The following CENPQ variants were observed in gnomAD, a reference collection of about 807,000 sequenced individuals.
CENPQ encodes the protein centromere protein Q.
In CENPQ, 27 loss-of-function variants were observed where a neutral mutation model predicts 36.6. The observed-to-expected ratio is 0.74, with a 90% confidence interval of 0.54 to 1.02. The LOEUF is 1.02. Ranked by LOEUF, CENPQ falls within the 50% of genes least tolerant of loss-of-function variation. The probability of loss-of-function intolerance (pLI) is 0.00; values close to 1 mark genes in which losing one functional copy is unlikely to be tolerated. For synonymous variants in CENPQ, 101 were observed against 101.7 expected, an observed-to-expected ratio of 0.99 and a Z score of 0.04; for missense variants, 306 against 301.8, an observed-to-expected ratio of 1.01 and a Z score of -0.10.
intron 5 of CENPQ, among the ~76,000 whole-genome samples, chr6:49,473,817 G>T (rs964831569): frequency 1.3e-5 from 2 of 152,116 alleles, no homozygotes; most frequent in Non-Finnish European, 2.9e-5. Flanking sequence ...TACAGGGATG[G>T]AGAAAGATCT....
chr6:49,472,618 G>T (rs1452995141), intron 4 of CENPQ, among the ~76,000 whole-genome samples, 172 bp from the exon 5 acceptor site: 2 of 151,904 alleles, frequency 1.3e-5, no homozygotes, highest in Non-Finnish European at 2.9e-5. Context: ...TATATAAGAA[G>T]AATTTTTTCA....
rs1026088831 is a variant in CENPQ at position 49,488,620 on chromosome 6, A to G, written c.611A>G (p.Asn204Ser). 5 of 1,613,358 alleles carry G rather than the reference A, an allele frequency of 3.1e-6. No homozygotes were observed. The African/African-American group carries it at 4.0e-5, about 13-fold the overall frequency. The change falls in exon 8 of 9, where the codon AAT becomes AGT. Residue 204 changes from asparagine (N) to serine (S), a missense_variant. Transcript: ENST00000335783. ...CTTCTACTTTAGATGCATCAAATAA[A>G]TAGTAGTGGAGTACTCTCTCTTCCG... ...EERVKQMHQINSSGVLSLPEL... is the reference protein window; with the variant it reads ...EERVKQMHQISSSGVLSLPEL...
intron 6 of CENPQ, among the ~76,000 whole-genome samples, chr6:49,483,082 G>A (rs543610827): frequency 6.6e-6 from 1 of 152,264 alleles, no homozygotes; most frequent in East Asian, 1.9e-4. Flanking sequence ...CCTGCTGATT[G>A]GTAGAGCCGA....
rs965596354 is a variant in CENPQ, at chr6:49,468,552, G to A, written c.-18-1607G>A. Among the ~76,000 whole-genome samples the A allele has an allele frequency of 6.6e-5, 10 of 151,916 alleles. No homozygotes were observed. In the South Asian group the frequency reaches 1.0e-3, roughly 16 times the overall value. ...GAGGTTGCAGCAGTGAGCCGAGATC[G>A]CACCACTGCACTCCAGCCCAAGCGA... On this transcript the variant is annotated intron_variant, in intron 1 of 8. Transcript: ENST00000335783.
chr6:49,479,741 G>T (rs1322207574), intron 5 of CENPQ, among the ~76,000 whole-genome samples: 1 of 152,188 alleles, frequency 6.6e-6, no homozygotes, highest in Non-Finnish European at 1.5e-5. Context: ...ATCAGTGGTA[G>T]ATTAGATAAA....
chr6:49,465,726 A>C (rs565204762), intron 1 of CENPQ, among the ~76,000 whole-genome samples: 3 of 152,294 alleles, frequency 2.0e-5, no homozygotes, highest in Non-Finnish European at 4.4e-5. Flanking sequence ...GCTTTCATAG[A>C]ATTGAAGTGA....
intron 5 of CENPQ, among the ~76,000 whole-genome samples, chr6:49,476,732 AAAC>A (rs1343971965): frequency 6.6e-6 from 1 of 152,188 alleles, no homozygotes; most frequent in Non-Finnish European, 1.5e-5. Flanking sequence ...TACAAGAAAA[AAAC>A]AACCCTATCA....
At chr6:49,482,044 C>T (rs1404664786) in intron 6 of CENPQ, among the ~76,000 whole-genome samples, 3 of 152,172 alleles carry the variant, frequency 2.0e-5, no homozygotes, top group East Asian at 1.9e-4. Context: ...ACCCAGTACA[C>T]CCCCCGCAGC....
chr6:49,492,431 AG>A lies in CENPQ; in HGVS notation c.*157del. 1 of 650,776 alleles carries A rather than the reference AG, an allele frequency of 1.5e-6. No homozygotes were observed. The highest frequency in any genetic ancestry group is 2.4e-6 in the Non-Finnish European group (1 of 411,066). The allele number at this position is 650,776 out of a possible 1,614,324, so 40.3% of individuals were successfully genotyped here. A position where few individuals can be genotyped will look rare whatever the true frequency, so the allele number is the denominator to read the frequency against. Reference sequence around the variant, plus strand: ...AATTAGTCTTTGTAGTTCTATCATTAGCATCTAATGTAGTTCTGAAGACTGT... The same window carrying A: ...AATTAGTCTTTGTAGTTCTATCATTACATCTAATGTAGTTCTGAAGACTGT... On this transcript the variant is annotated 3_prime_UTR_variant, in exon 9 of 9. Coordinates refer to ENST00000335783, the MANE Select transcript of CENPQ (RefSeq NM_018132.4).
At chr6:49,482,725 G>A (rs964109186) in intron 6 of CENPQ, among the ~76,000 whole-genome samples, 4 of 152,156 alleles carry the variant, frequency 2.6e-5, no homozygotes, top group African/African-American at 9.7e-5. Context: ...AGGTCCCTTT[G>A]TGGTCGCCAA....
chr6:49,485,552 A>C (rs1203519838), intron 6 of CENPQ, among the ~76,000 whole-genome samples: 2 of 152,234 alleles, frequency 1.3e-5, no homozygotes, highest in Admixed American at 1.3e-4. Context: ...TAATTTATCA[A>C]GTGAACTGAA....
intron 5 of CENPQ, among the ~76,000 whole-genome samples, chr6:49,476,193 A>C (rs1213497373): frequency 3.3e-5 from 5 of 152,166 alleles, no homozygotes; most frequent in South Asian, 2.1e-4. Context: ...GCTATAGTAA[A>C]CAAAACACCA....
At chr6:49,478,308 T>C (rs1448169191) in intron 5 of CENPQ, among the ~76,000 whole-genome samples, 1 of 152,210 alleles carries the variant, frequency 6.6e-6, no homozygotes, top group East Asian at 1.9e-4. Flanking sequence ...CCTTAGCATG[T>C]AAGAAGCCCT....
At chr6:49,491,275 G>C (rs2127428802) in intron 8 of CENPQ, among the ~76,000 whole-genome samples, 2 of 152,278 alleles carry the variant, frequency 1.3e-5, no homozygotes, top group South Asian at 4.1e-4. Flanking sequence ...CAGTCACGTA[G>C]ATCTCTCATT....
chr6:49,492,548 G>C lies in CENPQ; in HGVS notation c.*273G>C, dbSNP rs906586984. On this transcript the variant is annotated 3_prime_UTR_variant, in exon 9 of 9. Coordinates refer to ENST00000335783, the MANE Select transcript of CENPQ (RefSeq NM_018132.4). ...AACCATAAAATAGGAATTGCCTTAA[G>C]GATCTAGTAGTTTATAATGCCTGAA... The C allele has an allele frequency of 1.4e-5, 4 of 281,678 alleles. No individual in the cohort carries two copies. The highest frequency in any genetic ancestry group is 2.2e-5 in the African/African-American group (1 of 44,830). 17.4% of individuals were successfully genotyped at this position (281,678 alleles called of 1,614,324 possible). A position where few individuals can be genotyped will look rare whatever the true frequency, so the allele number is the denominator to read the frequency against.
intron 1 of CENPQ, among the ~76,000 whole-genome samples, chr6:49,467,035 C>G (rs569727832): frequency 6.6e-6 from 1 of 152,156 alleles, no homozygotes; most frequent in South Asian, 2.1e-4. Context: ...TAGCATCTGA[C>G]GGTCTACGTA....
intron 5 of CENPQ, among the ~76,000 whole-genome samples, chr6:49,476,139 A>T (rs1390747474): frequency 6.6e-6 from 1 of 152,210 alleles, no homozygotes; most frequent in East Asian, 1.9e-4. Context: ...AAAAAGAACA[A>T]AGCTGGAGGC....
At position 49,466,429 on chromosome 6, in the gene CENPQ, C is replaced by T. The variant is rs748315452; in HGVS notation, c.-19+2976C>T. Among the ~76,000 whole-genome samples the T allele has an allele frequency of 2.0e-4, 30 of 152,218 alleles. 1 individual carries two copies. Among genetic ancestry groups the T allele is most frequent in the African/African-American group, 4.8e-5 (2 of 41,456 alleles). ...AGACAACAACAACAAAATACAGTGT[C>T]TGCGAGGCTCAATAAAGTGAAACAC... On this transcript the variant is annotated intron_variant, in intron 1 of 8. Coordinates refer to ENST00000335783, the MANE Select transcript of CENPQ (RefSeq NM_018132.4).
At chr6:49,478,356 A>T (rs1375900208) in intron 5 of CENPQ, among the ~76,000 whole-genome samples, 1 of 152,176 alleles carries the variant, frequency 6.6e-6, no homozygotes, top group Non-Finnish European at 1.5e-5. Flanking sequence ...TTAAGCTAGC[A>T]TCTCCCAAAT....
Sources: gnomAD v4.1 joint callset for allele counts (sites outside exome capture counted in the v4.1 genomes callset) on GRCh38, gnomAD v4.1.1 for gene constraint, MANE v1.5 for transcripts, NCBI Gene and HGNC (gene_info 2026-07-23, HGNC 2026-07-21) for gene names.